The following ANO3 variants were observed in gnomAD, a reference collection of about 807,000 sequenced individuals.
ANO3 encodes the protein anoctamin-3.
A neutral mutation model predicts 144.8 loss-of-function variants in ANO3; 99 were observed. That is an observed-to-expected ratio of 0.68 (90% CI 0.58 to 0.81). The LOEUF (loss-of-function observed/expected upper bound fraction) is 0.81. Ranked by LOEUF, ANO3 falls within the 30% of genes least tolerant of loss-of-function variation. The probability of loss-of-function intolerance (pLI) is 0.00; values close to 1 mark genes in which losing one functional copy is unlikely to be tolerated. For synonymous variants in ANO3, 414 were observed against 392.6 expected (o/e 1.05, Z -0.64); for missense variants, 905 against 1,202.2 (o/e 0.75, Z 3.66).
chr11:26,426,356 A>G (rs910630675), intron 1 of ANO3, among the ~76,000 whole-genome samples: 2 of 152,168 alleles, frequency 1.3e-5, no homozygotes, highest in Non-Finnish European at 2.9e-5. Flanking sequence ...ATCTTGTGCT[A>G]TTCACGTAAG....
intron 17 of ANO3, among the ~76,000 whole-genome samples, chr11:26,623,274 G>C (rs150778080): frequency 1.3e-5 from 2 of 152,244 alleles, no homozygotes; most frequent in East Asian, 3.9e-4. Context: ...CAGAGAAGGG[G>C]AACAACTTTT....
intron 12 of ANO3, among the ~76,000 whole-genome samples, chr11:26,550,679 C>T: frequency 6.6e-6 from 1 of 151,928 alleles, no homozygotes; most frequent in East Asian, 1.9e-4. Context: ...AGTCAATAAA[C>T]ATTTGGATTG....
chr11:26,372,401 T>C (rs1412580421), intron 1 of ANO3, among the ~76,000 whole-genome samples: 8 of 152,214 alleles, frequency 5.3e-5, no homozygotes, highest in Non-Finnish European at 1.5e-5. Context: ...CAGCAGAGAA[T>C]GGACTAATAC....
At chr11:26,341,049 CTCTTT>C (rs888346184) in intron 1 of ANO3, among the ~76,000 whole-genome samples, 8 of 152,000 alleles carry the variant, frequency 5.3e-5, no homozygotes, top group Non-Finnish European at 1.0e-4. Flanking sequence ...TCCTTCTCTT[CTCTTT>C]TCTTTTCTTT....
At chr11:26,247,021 C>T (rs1321341482) in intron 1 of ANO3, among the ~76,000 whole-genome samples, 1 of 152,094 alleles carries the variant, frequency 6.6e-6, no homozygotes, top group African/African-American at 2.4e-5. Context: ...ATATTATCCA[C>T]TTTTGTGATA....
chr11:26,201,294 T>C (rs549439826), intron 1 of ANO3, among the ~76,000 whole-genome samples: 17 of 152,278 alleles, frequency 1.1e-4, no homozygotes, highest in Non-Finnish European at 2.2e-4. Flanking sequence ...TTCGTTCAAA[T>C]GGTAGGCCAA....
chr11:26,368,782 A>G (rs986720912), intron 1 of ANO3, among the ~76,000 whole-genome samples: 1 of 152,134 alleles, frequency 6.6e-6, no homozygotes, highest in Non-Finnish European at 1.5e-5. Flanking sequence ...TAATTTCTAT[A>G]TAGTGATTTA....
intron 4 of ANO3, among the ~76,000 whole-genome samples, chr11:26,482,625 A>G (rs998147265): frequency 2.0e-5 from 3 of 152,078 alleles, no homozygotes; most frequent in Non-Finnish European, 4.4e-5. Context: ...GTTTATTTGT[A>G]TAGATTTAAG....
chr11:26,365,018 G>A (rs1856027383), intron 1 of ANO3, among the ~76,000 whole-genome samples: 1 of 152,136 alleles, frequency 6.6e-6, no homozygotes, highest in Non-Finnish European at 1.5e-5. Flanking sequence ...TTCAAAGGCA[G>A]GTTATTTACT....
intron 1 of ANO3, among the ~76,000 whole-genome samples, chr11:26,281,708 A>G (rs1853683000): frequency 6.6e-6 from 1 of 152,194 alleles, no homozygotes; most frequent in Non-Finnish European, 1.5e-5. Context: ...ATGTTTATTT[A>G]AAGATTAATA....
In ANO3 at chr11:26,661,367, T is replaced by C. The variant is rs914448995; in HGVS notation, c.*923T>C. Reference sequence around the variant, plus strand: ...ATGCTGTAAATACGTTGGTTTTCCTTGTCCCTTTGCACCTTGACAGTACGT... The same window carrying C: ...ATGCTGTAAATACGTTGGTTTTCCTCGTCCCTTTGCACCTTGACAGTACGT... On this transcript the variant is annotated 3_prime_UTR_variant, in exon 27 of 27. Coordinates refer to ENST00000256737, the MANE Select transcript of ANO3 (RefSeq NM_031418.4). 7 of 152,570 alleles carry C rather than the reference T, an allele frequency of 4.6e-5. No homozygotes were observed. Among genetic ancestry groups the C allele is most frequent in the Admixed American group, 3.3e-4 (5 of 15,256 alleles). 9.5% of individuals were successfully genotyped at this position (152,570 alleles called of 1,614,324 possible). A position where few individuals can be genotyped will look rare whatever the true frequency, so the allele number is the denominator to read the frequency against.
At chr11:26,352,431 A>G (rs1420475089) in intron 1 of ANO3, among the ~76,000 whole-genome samples, 1 of 152,124 alleles carries the variant, frequency 6.6e-6, no homozygotes, top group African/African-American at 2.4e-5. Flanking sequence ...CTGGCCTCGT[A>G]TGTAACTCTT....
At chr11:26,572,660 T>C (rs888744499) in intron 14 of ANO3, among the ~76,000 whole-genome samples, 7 of 152,172 alleles carry the variant, frequency 4.6e-5, no homozygotes, top group Admixed American at 3.3e-4. Context: ...GCGTCTATTC[T>C]GAGGTCCACT....
chr11:26,288,719 A>G (rs1299045759), intron 1 of ANO3, among the ~76,000 whole-genome samples: 5 of 152,156 alleles, frequency 3.3e-5, no homozygotes, highest in Admixed American at 3.3e-4. Flanking sequence ...AGAAAGCAGC[A>G]AGATAGGAAA....
chr11:26,551,451 CAA>C lies in ANO3; in HGVS notation c.1290-1795_1290-1794del, dbSNP rs1849930885. Among the ~76,000 whole-genome samples the C allele has an allele frequency of 2.6e-5, 4 of 151,922 alleles. No homozygotes were observed. In the South Asian group the frequency reaches 6.2e-4, roughly 24 times the overall value. ...TTAAATATTTTAGACTAAAAAATGT[CAA>C]AAGTTTTGTGATGATTTTTGTGTAC... On this transcript the variant is annotated intron_variant, in intron 12 of 26. Coordinates refer to ENST00000256737, the MANE Select transcript of ANO3 (RefSeq NM_031418.4).
At chr11:26,544,273 T>TACATATATATATATATATAC (rs1849727807) in intron 11 of ANO3, among the ~76,000 whole-genome samples, 1 of 58,546 alleles carries the variant, frequency 1.7e-5, no homozygotes, top group Non-Finnish European at 3.6e-5. Flanking sequence ...TATATATATA[T>TACATATATATATATATATAC]ACACACATAC....
chr11:26,203,093 A>C (rs1032682881), intron 1 of ANO3, among the ~76,000 whole-genome samples: 1 of 152,114 alleles, frequency 6.6e-6, no homozygotes, highest in Non-Finnish European at 1.5e-5. Flanking sequence ...CATGCCACCA[A>C]GGGTGTCTAA....
intron 14 of ANO3, chr11:26,561,024 G>A (rs1409229185): frequency 1.9e-6 from 3 of 1,572,288 alleles, no homozygotes; most frequent in African/African-American, 1.4e-5. Context: ...AGGCTAGGAT[G>A]TAGATGACAC....
At chr11:26,210,989 G>T (rs1297629067) in intron 1 of ANO3, among the ~76,000 whole-genome samples, 2 of 151,940 alleles carry the variant, frequency 1.3e-5, no homozygotes, top group African/African-American at 4.8e-5. Context: ...CTTGAACTCA[G>T]CCCTGGACCA....
Sources: gnomAD v4.1 joint callset for allele counts (sites outside exome capture counted in the v4.1 genomes callset) on GRCh38, gnomAD v4.1.1 for gene constraint, MANE v1.5 for transcripts, NCBI Gene and HGNC (gene_info 2026-07-23, HGNC 2026-07-21) for gene names.